Variants in GNAQ observed in about 807,000 individuals in gnomAD.
GNAQ encodes guanine nucleotide-binding protein G(q) subunit alpha.
A neutral mutation model predicts 43.9 loss-of-function variants in GNAQ; 8 were observed. The observed-to-expected ratio is 0.18, with a 90% CI of 0.11 to 0.33. GNAQ has a LOEUF of 0.33. Among genes scored for constraint, GNAQ ranks in the 10% least tolerant of loss-of-function variants. The pLI is 1.00. For missense variants in GNAQ, 158 were observed against 450.8 expected (o/e 0.35, Z 5.88); for synonymous variants, 155 against 170.7 (o/e 0.91, Z 0.71).
At chr9:77,725,702 C>G (rs996154160) in intron 6 of GNAQ, among the ~76,000 whole-genome samples, 1 of 150,704 alleles carries the variant, frequency 6.6e-6, no homozygotes, top group Admixed American at 6.6e-5. Flanking sequence ...AAAGGAGGTA[C>G]GTGAAGAGAT....
rs71360657 is a variant in GNAQ, at chr9:77,863,219, G to GAA, written c.322-47450_322-47449insTT. Among the ~76,000 whole-genome samples, 926 of 136,690 alleles carry GAA rather than the reference G, an allele frequency of 6.8e-3. 11 individuals carry two copies. Among genetic ancestry groups the GAA allele is most frequent in the East Asian group, 0.03 (139 of 4,574 alleles). The allele number at this position is 136,690 out of a possible 152,430, so 89.7% of individuals were successfully genotyped here. A position where few individuals can be genotyped will look rare whatever the true frequency, so the allele number is the denominator to read the frequency against. ...GGAAGGAAGGAAGGAAGGAAGGAAG[G>GAA]GAGGAAGGAAGAAAGGAAGGAAGGA... On this transcript the variant is annotated intron_variant, in intron 2 of 6. Coordinates refer to ENST00000286548, the MANE Select transcript of GNAQ (RefSeq NM_002072.5).
At chr9:77,985,729 G>C (rs1823427061) in intron 1 of GNAQ, among the ~76,000 whole-genome samples, 1 of 152,008 alleles carries the variant, frequency 6.6e-6, no homozygotes, top group Non-Finnish European at 1.5e-5. Context: ...TGGGATTACA[G>C]GCATGCACCA....
intron 2 of GNAQ, among the ~76,000 whole-genome samples, chr9:77,860,725 A>G (rs953576651): frequency 2.0e-5 from 3 of 152,102 alleles, no homozygotes; most frequent in Non-Finnish European, 4.4e-5. Context: ...GACCCCTTCC[A>G]TAACACACTG....
intron 1 of GNAQ, among the ~76,000 whole-genome samples, chr9:78,004,255 C>T (rs575900306): frequency 1.2e-4 from 17 of 144,712 alleles, no homozygotes; most frequent in African/African-American, 2.6e-4. Flanking sequence ...GCAGCCTGGA[C>T]GACAGAGTAA....
At chr9:77,809,732 C>T (rs1265676116) in intron 3 of GNAQ, among the ~76,000 whole-genome samples, 1 of 152,162 alleles carries the variant, frequency 6.6e-6, no homozygotes, top group Non-Finnish European at 1.5e-5. Flanking sequence ...GCTGCCTGTC[C>T]TTTGAGTCAT....
At chr9:77,996,901 G>A (rs184954694) in intron 1 of GNAQ, among the ~76,000 whole-genome samples, 5 of 152,034 alleles carry the variant, frequency 3.3e-5, no homozygotes, top group East Asian at 3.9e-4. Flanking sequence ...TCCCTTCTAC[G>A]GATATTAGTC....
At chr9:77,827,996 C>T (rs571079444) in intron 2 of GNAQ, among the ~76,000 whole-genome samples, 50 of 132,544 alleles carry the variant, frequency 3.8e-4, no homozygotes, top group Non-Finnish European at 6.5e-4. Flanking sequence ...GGAGGCAGAG[C>T]TTGCAGTGAG....
intron 2 of GNAQ, among the ~76,000 whole-genome samples, chr9:77,848,493 T>C (rs960268497): frequency 2.0e-5 from 3 of 152,200 alleles, no homozygotes; most frequent in South Asian, 4.1e-4. Context: ...AAACCCCAAA[T>C]TGGCCTGTTT....
At chr9:78,016,978 G>T (rs1823847292) in intron 1 of GNAQ, among the ~76,000 whole-genome samples, 1 of 152,088 alleles carries the variant, frequency 6.6e-6, no homozygotes, top group South Asian at 2.1e-4. Context: ...GTTATGTTAT[G>T]TTATGGACCA....
At chr9:77,978,346 G>A (rs554564701) in intron 1 of GNAQ, among the ~76,000 whole-genome samples, 5 of 152,212 alleles carry the variant, frequency 3.3e-5, no homozygotes, top group African/African-American at 1.2e-4. Context: ...GGTTAGCTCT[G>A]TTTCCTGTTT....
intron 2 of GNAQ, among the ~76,000 whole-genome samples, chr9:77,818,004 C>CA (rs1342834756): frequency 5.6e-4 from 85 of 150,456 alleles, no homozygotes; most frequent in Admixed American, 1.3e-3. Flanking sequence ...CTGCAAAAAA[C>CA]AAAAAAAACA....
At chr9:77,807,127 T>C (rs1054551090) in intron 3 of GNAQ, among the ~76,000 whole-genome samples, 3 of 152,172 alleles carry the variant, frequency 2.0e-5, no homozygotes, top group African/African-American at 4.8e-5. Context: ...ATTCAATTCA[T>C]TATTTTCAAC....
At chr9:77,763,232 A>T (rs1461590232) in intron 5 of GNAQ, among the ~76,000 whole-genome samples, 1 of 152,114 alleles carries the variant, frequency 6.6e-6, no homozygotes, top group Non-Finnish European at 1.5e-5. Flanking sequence ...AAAACATCTC[A>T]AGATTGCAAT....
chr9:77,984,089 A>G (rs1587445309), intron 1 of GNAQ, among the ~76,000 whole-genome samples: 1 of 142,658 alleles, frequency 7.0e-6, no homozygotes, highest in African/African-American at 2.6e-5. Flanking sequence ...ACCTAGATGA[A>G]GTTGGTCATC....
chr9:77,917,450 A>T (rs1347351965), intron 2 of GNAQ, among the ~76,000 whole-genome samples: 1 of 152,134 alleles, frequency 6.6e-6, no homozygotes, highest in Non-Finnish European at 1.5e-5. Context: ...TCTGTACACC[A>T]AACCCCCATG....
intron 2 of GNAQ, among the ~76,000 whole-genome samples, chr9:77,887,731 AATC>A (rs1457001511): frequency 6.6e-6 from 1 of 152,328 alleles, no homozygotes; most frequent in South Asian, 2.1e-4. Context: ...AAAGACTATA[AATC>A]ATGTTAGATG....
At chr9:77,977,945 G>C (rs1823324551) in intron 1 of GNAQ, among the ~76,000 whole-genome samples, 1 of 152,056 alleles carries the variant, frequency 6.6e-6, no homozygotes, top group Non-Finnish European at 1.5e-5. Context: ...AGCAGTCCCT[G>C]GTACCCTAGT....
At chr9:78,024,941 T>G (rs1348881933) in intron 1 of GNAQ, among the ~76,000 whole-genome samples, 1 of 152,244 alleles carries the variant, frequency 6.6e-6, no homozygotes, top group African/African-American at 2.4e-5. Context: ...GTAATACTAA[T>G]TTTGTTCTTT....
intron 5 of GNAQ, among the ~76,000 whole-genome samples, chr9:77,756,145 C>T (rs1056606924): frequency 6.6e-6 from 1 of 152,228 alleles, no homozygotes; most frequent in African/African-American, 2.4e-5. Context: ...CTTTGGAACT[C>T]GGACTGGCTT....
Sources: gnomAD v4.1 joint callset for allele counts (sites outside exome capture counted in the v4.1 genomes callset) on GRCh38, gnomAD v4.1.1 for gene constraint, MANE v1.5 for transcripts, NCBI Gene and HGNC (gene_info 2026-07-23, HGNC 2026-07-21) for gene names.